The following AKAP9 variants were observed in gnomAD, a reference collection of about 807,000 sequenced individuals.
The protein encoded by AKAP9 is A-kinase anchor protein 9.
A neutral mutation model predicts 488.5 loss-of-function variants in AKAP9; 311 were observed. The observed-to-expected ratio is 0.64, with a 90% confidence interval of 0.58 to 0.70. AKAP9 has a LOEUF of 0.70. Among genes scored for constraint, AKAP9 ranks in the 30% least tolerant of loss-of-function variants. The pLI, the probability that AKAP9 is intolerant of heterozygous loss-of-function variation, is 0.00. For missense variants in AKAP9, 4,215 were observed against 4,374.5 expected (o/e 0.96, Z 1.03); for synonymous variants, 1,462 against 1,483.5 (o/e 0.99, Z 0.33).
rs1461221128 is a variant in AKAP9, at chr7:92,093,174, A to C, written c.9436A>C (p.Arg3146=). The change falls in exon 39 of 50, where the codon AGA becomes CGA. Residue 3146 remains arginine (R), a synonymous_variant. Transcript: ENST00000356239. Reference sequence around the variant, plus strand: ...AGTGGAGCTCAGCAGTATGAAAGACAGAGCAACGGAACTGCAGGAGCAGCT... The same window carrying C: ...AGTGGAGCTCAGCAGTATGAAAGACCGAGCAACGGAACTGCAGGAGCAGCT... ...MQVELSSMKD[R]ATELQEQLSS... The C allele has an allele frequency of 6.2e-7, 1 of 1,614,202 alleles. No individual in the cohort carries two copies.
chr7:92,027,431 C>T (rs191386132), intron 14 of AKAP9, among the ~76,000 whole-genome samples: 1,676 of 140,812 alleles, frequency 0.012, 25 homozygotes, highest in African/African-American at 0.041. Flanking sequence ...TCTGCCCGGC[C>T]GCCCTGTCTG....
Position 92,102,545 on chromosome 7 carries a change from G to A in AKAP9, c.11098-49G>A, listed in dbSNP as rs200607846. On this transcript the variant is annotated intron_variant, in intron 45 of 49. Transcript: ENST00000356239. ...TAGGTTATTTTCCCCTAGAGAGCAG[G>A]GTGAATGTTTTCTTAATGTCTTTAC... 783 of 1,527,664 alleles carry A rather than the reference G, an allele frequency of 5.1e-4. 7 individuals are homozygous for A. In the African/African-American group the frequency reaches 0.01, roughly 20 times the overall value. 94.6% of individuals were successfully genotyped at this position (1,527,664 alleles called of 1,614,324 possible).
chr7:92,104,594 T>C (rs533518693), intron 46 of AKAP9, among the ~76,000 whole-genome samples: 26 of 152,124 alleles, frequency 1.7e-4, no homozygotes, highest in Non-Finnish European at 2.9e-4. Flanking sequence ...CAGGGAGCGG[T>C]TACAAAGCCA....
intron 49 of AKAP9, chr7:92,108,977 C>T (rs574668220): frequency 6.4e-5 from 26 of 407,226 alleles, no homozygotes; most frequent in South Asian, 4.5e-4. Flanking sequence ...TCCTAAGTAG[C>T]GCATGGCAGA....
In AKAP9 at chr7:92,070,023, A is replaced by G. The variant is rs1435017682; in HGVS notation, c.6331-7A>G. The G allele has an allele frequency of 6.2e-7, 1 of 1,610,516 alleles. No homozygotes were observed. Among genetic ancestry groups the G allele is most frequent in the East Asian group, 2.2e-5 (1 of 44,838 alleles). On this transcript the variant is annotated splice_region_variant and splice_polypyrimidine_tract_variant and intron_variant, in intron 26 of 49. Transcript: ENST00000356239. ...TTAAATTAAATTTTTTGCCTCTTAT[A>G]TTTCAGGTTGAACAGTTAGCAAATC...
intron 21 of AKAP9, among the ~76,000 whole-genome samples, chr7:92,051,089 T>C (rs1245665963): frequency 1.3e-5 from 2 of 152,098 alleles, no homozygotes; most frequent in Non-Finnish European, 2.9e-5. Context: ...CATTTGTTTA[T>C]AGCAAAACCC....
chr7:92,040,704 G>C lies in AKAP9; in HGVS notation c.4723G>C (p.Asp1575His). Residue 1575 changes from aspartate to histidine, a missense_variant, in exon 18 of 50, where the codon GAT becomes CAT. By Grantham distance (81) the Asp-to-His change is moderately conservative. Coordinates refer to ENST00000356239, the MANE Select transcript of AKAP9 (RefSeq NM_005751.5). ...TGATGAGATTTCAGTGTCAAGCATG[G>C]ATGCTTCTAGACAACTAATGTTGAA... ...IHDEISVSSM[D>H]ASRQLMLNEE... 6.2e-7 allele frequency: 1 copy of C among 1,607,668 alleles called. No individual in the cohort carries two copies. The highest frequency in any genetic ancestry group is 8.5e-7 in the Non-Finnish European group (1 of 1,175,876).
chr7:92,033,476 G>T, intron 16 of AKAP9, among the ~76,000 whole-genome samples: 1 of 130,924 alleles, frequency 7.6e-6, no homozygotes, highest in African/African-American at 2.9e-5. Context: ...GACAGGGTCT[G>T]GCTCTGTCGC....
At position 91,989,366 on chromosome 7, in the gene AKAP9, G is replaced by A. The variant is rs74799784; in HGVS notation, c.352-2792G>A. 3.3e-5 allele frequency among the ~76,000 whole-genome samples: 5 copies of A among 152,026 alleles called. No homozygotes were observed. In the East Asian group the frequency reaches 7.7e-4, roughly 23 times the overall value. On this transcript the variant is annotated intron_variant, in intron 3 of 49. Transcript: ENST00000356239. ...TCCTATTATGTACACTAGAGAAATC[G>A]GACTAAATGAAAAATACTCTTCTTA...
In AKAP9 at chr7:92,040,840, G is replaced by A. The variant is rs536841769; in HGVS notation, c.4859G>A (p.Arg1620Gln). The A allele has an allele frequency of 6.2e-6, 10 of 1,613,906 alleles. No individual in the cohort carries two copies. The highest frequency in any genetic ancestry group is 3.3e-5 in the South Asian group (3 of 91,056). The change falls in exon 18 of 50, where the codon CGA (arginine) becomes CAA (glutamine). Residue 1620 changes from arginine to glutamine, a missense_variant. This residue lies in a region of AKAP9 where 2,361 missense variants were observed against 2,430.0 expected (regional missense o/e 0.97). Coordinates refer to ENST00000356239, the MANE Select transcript of AKAP9 (RefSeq NM_005751.5). ...CATATGCGGCAAATGGAGAGACAGC[G>A]AGAAGACCAGGAACAGCTACAAGAA... ...QAHMRQMERQ[R>Q]EDQEQLQEEI...
chr7:92,029,137 A>T (rs1803803279), intron 14 of AKAP9, among the ~76,000 whole-genome samples: 1 of 151,750 alleles, frequency 6.6e-6, no homozygotes, highest in Non-Finnish European at 1.5e-5. Context: ...TTTCCCATGG[A>T]TCCTAAATGC....
chr7:91,974,666 A>G (rs376898445), intron 2 of AKAP9, among the ~76,000 whole-genome samples: 11 of 152,300 alleles, frequency 7.2e-5, no homozygotes, highest in African/African-American at 2.4e-4. Flanking sequence ...CAGGGATTGC[A>G]TTGAATCTGT....
intron 3 of AKAP9, among the ~76,000 whole-genome samples, chr7:91,980,618 T>TA (rs1419448748): frequency 6.6e-6 from 1 of 150,796 alleles, no homozygotes; most frequent in Non-Finnish European, 1.5e-5. Context: ...ATGTGACTGT[T>TA]ACAAGGCATC....
intron 11 of AKAP9, among the ~76,000 whole-genome samples, chr7:92,016,808 A>G (rs1017588105): frequency 6.6e-6 from 1 of 152,126 alleles, no homozygotes; most frequent in African/African-American, 2.4e-5. Context: ...CTACCAAAAG[A>G]AATTAACATA....
At chr7:91,983,834 C>G (rs1796738636) in intron 3 of AKAP9, among the ~76,000 whole-genome samples, 5 of 152,188 alleles carry the variant, frequency 3.3e-5, no homozygotes, top group Admixed American at 3.3e-4. Flanking sequence ...GCCATTCTAA[C>G]TTTTGTGAGA....
intron 8 of AKAP9, among the ~76,000 whole-genome samples, chr7:92,005,014 G>T (rs912912318): frequency 6.6e-6 from 1 of 152,184 alleles, no homozygotes; most frequent in Non-Finnish European, 1.5e-5. Context: ...TTTATTGAGA[G>T]TTTTTAGCAT....
intron 16 of AKAP9, among the ~76,000 whole-genome samples, chr7:92,035,258 T>C (rs1450353156): frequency 6.6e-6 from 1 of 152,266 alleles, no homozygotes; most frequent in Non-Finnish European, 1.5e-5. Flanking sequence ...ATTTTTATGA[T>C]TTTCAGATAG....
chr7:92,071,971 A>ATT (rs11374915), intron 28 of AKAP9, among the ~76,000 whole-genome samples: 19 of 151,478 alleles, frequency 1.3e-4, no homozygotes, highest in Admixed American at 3.3e-4. Flanking sequence ...TTGACTTTTG[A>ATT]TTTTTTTTAT....
chr7:92,039,231 A>C (rs1407068624), intron 17 of AKAP9, among the ~76,000 whole-genome samples: 1 of 152,164 alleles, frequency 6.6e-6, no homozygotes, highest in Non-Finnish European at 1.5e-5. Flanking sequence ...TGTTTTATTA[A>C]TTGTAAGATA....
Sources: gnomAD v4.1 joint callset for allele counts (sites outside exome capture counted in the v4.1 genomes callset) on GRCh38, gnomAD v4.1.1 for gene constraint, gnomAD v4.1.1 regional missense constraint, MANE v1.5 for transcripts, NCBI Gene and HGNC (gene_info 2026-07-23, HGNC 2026-07-21) for gene names.